Variants in CSMD3 observed in about 807,000 individuals in gnomAD.
CSMD3 encodes the protein CUB and Sushi multiple domains 3, also known as CUB and sushi domain-containing protein 3.
A neutral mutation model predicts 435.2 loss-of-function variants in CSMD3; 177 were observed. The ratio of observed to expected loss-of-function variants is 0.41; its 90% confidence interval spans 0.36 to 0.46. The LOEUF is 0.46. Among genes scored for constraint, CSMD3 ranks in the 20% least tolerant of loss-of-function variants. The pLI is 0.34. For missense variants in CSMD3, 4,265 were observed against 4,504.6 expected (o/e 0.95, Z 1.52); for synonymous variants, 1,656 against 1,520.5 (o/e 1.09, Z -2.07).
chr8:112,437,789 T>A (rs1024400483), intron 32 of CSMD3, among the ~76,000 whole-genome samples: 1 of 152,102 alleles, frequency 6.6e-6, no homozygotes, highest in Non-Finnish European at 1.5e-5. Context: ...TTCAGTAGCA[T>A]TATTCAGAGC....
intron 1 of CSMD3, among the ~76,000 whole-genome samples, chr8:113,370,152 ATGT>A (rs1251702286): frequency 1.3e-5 from 2 of 150,092 alleles, no homozygotes; most frequent in Non-Finnish European, 3.0e-5. Context: ...TCAAAATATC[ATGT>A]TGTACATAAT....
intron 6 of CSMD3, among the ~76,000 whole-genome samples, chr8:113,012,568 A>G (rs951333367): frequency 6.6e-6 from 1 of 151,972 alleles, no homozygotes; most frequent in Non-Finnish European, 1.5e-5. Flanking sequence ...AGAAGAGCTG[A>G]TGGTTTTATA....
chr8:112,870,058 T>G (rs2081088425), intron 10 of CSMD3, among the ~76,000 whole-genome samples: 1 of 152,176 alleles, frequency 6.6e-6, no homozygotes, highest in Admixed American at 6.5e-5. Flanking sequence ...AAAATTTGTT[T>G]AGAAAAATAT....
intron 35 of CSMD3, among the ~76,000 whole-genome samples, chr8:112,391,522 T>C (rs1323233781): frequency 6.6e-6 from 1 of 151,972 alleles, no homozygotes; most frequent in Non-Finnish European, 1.5e-5. Flanking sequence ...TGAAACCCCG[T>C]CTCTACTAAA....
chr8:112,838,203 T>C (rs1158192380), intron 11 of CSMD3, among the ~76,000 whole-genome samples: 1 of 151,584 alleles, frequency 6.6e-6, no homozygotes, highest in Non-Finnish European at 1.5e-5. Flanking sequence ...CATTCTAGGG[T>C]AGAATGTGAA....
At chr8:112,685,225 T>A (rs118183464) in intron 15 of CSMD3, among the ~76,000 whole-genome samples, 181 bp downstream of exon 15, 2 of 152,100 alleles carry the variant, frequency 1.3e-5, no homozygotes, top group Non-Finnish European at 2.9e-5. Flanking sequence ...TGTATTAATA[T>A]AATAGAGAGT....
intron 13 of CSMD3, among the ~76,000 whole-genome samples, chr8:112,746,019 C>T (rs2077417929): frequency 6.6e-6 from 1 of 152,136 alleles, no homozygotes; most frequent in Non-Finnish European, 1.5e-5. Context: ...GTTATTCCCA[C>T]AAACTTTGAA....
intron 5 of CSMD3, among the ~76,000 whole-genome samples, chr8:113,058,076 T>C (rs1350089518): frequency 6.6e-6 from 1 of 151,874 alleles, no homozygotes; most frequent in Non-Finnish European, 1.5e-5. Flanking sequence ...CTGTTCTTCA[T>C]AAAATAAGAA....
At chr8:113,315,160 C>T (rs1381623074) in intron 1 of CSMD3, among the ~76,000 whole-genome samples, 1 of 152,128 alleles carries the variant, frequency 6.6e-6, no homozygotes, top group Non-Finnish European at 1.5e-5. Context: ...ATAAACAACA[C>T]TGACATTTTA....
At chr8:113,361,720 T>C (rs1434230247) in intron 1 of CSMD3, among the ~76,000 whole-genome samples, 1 of 19,482 alleles carries the variant, frequency 5.1e-5, no homozygotes, top group Non-Finnish European at 8.2e-5. Flanking sequence ...TGTGAAATTG[T>C]AATTTTTAGG....
At chr8:113,323,696 A>T (rs2093964158) in intron 1 of CSMD3, among the ~76,000 whole-genome samples, 1 of 152,206 alleles carries the variant, frequency 6.6e-6, no homozygotes, top group Non-Finnish European at 1.5e-5. Context: ...TCTTTCATAA[A>T]TGTTTATATA....
chr8:112,590,941 T>G (rs1320902645), intron 22 of CSMD3, among the ~76,000 whole-genome samples: 2 of 152,082 alleles, frequency 1.3e-5, no homozygotes, highest in African/African-American at 4.8e-5. Flanking sequence ...TCCTACAAAA[T>G]AATAAATGTA....
intron 6 of CSMD3, among the ~76,000 whole-genome samples, chr8:113,014,796 G>A (rs2131147019): frequency 6.6e-6 from 1 of 150,678 alleles, no homozygotes; most frequent in South Asian, 2.1e-4. Context: ...TTTGTACTCT[G>A]TGTCTGTATG....
chr8:112,899,955 G>T (rs1273527221), intron 10 of CSMD3, among the ~76,000 whole-genome samples: 1 of 150,846 alleles, frequency 6.6e-6, no homozygotes, highest in Non-Finnish European at 1.5e-5. Flanking sequence ...CCTTCAATTT[G>T]GAAAGTTGTA....
Position 112,448,774 on chromosome 8 carries a change from A to C in CSMD3, c.5395+23817T>G, listed in dbSNP as rs1039460040. ...ATCTATTAAAAAAAAAAAAAAAAAA[A>C]AAAACCAAAAACCTCTACTGGAGTT... is the stretch of plus-strand genomic sequence containing the variant. On this transcript the variant is annotated intron_variant, in intron 32 of 70. Coordinates refer to ENST00000297405, the MANE Select transcript of CSMD3 (RefSeq NM_198123.2). Among the ~76,000 whole-genome samples the C allele has an allele frequency of 4.0e-5, 6 of 151,750 alleles. No individual in the cohort carries two copies. The South Asian group carries it at 1.0e-3, about 26-fold the overall frequency.
rs1326242374 is a variant in CSMD3, at chr8:112,578,189, ATAGAG to A, written c.3886-4537_3886-4533del. Reference sequence around the variant, plus strand: ...ATATTCTCTCCAAAGATAATATAAAATAGAGTAGAGAACTTTTGTTTGCATTCAAT... The same window carrying A: ...ATATTCTCTCCAAAGATAATATAAAATAGAGAACTTTTGTTTGCATTCAAT... On this transcript the variant is annotated intron_variant, in intron 23 of 70. Transcript: ENST00000297405. Among the ~76,000 whole-genome samples the A allele has an allele frequency of 2.6e-5, 4 of 152,216 alleles. No individual in the cohort carries two copies. In the East Asian group the frequency reaches 7.7e-4, roughly 29 times the overall value.
intron 10 of CSMD3, among the ~76,000 whole-genome samples, chr8:112,883,118 T>C (rs2081493455): frequency 6.6e-6 from 1 of 151,982 alleles, no homozygotes; most frequent in Non-Finnish European, 1.5e-5. Flanking sequence ...AGCACACTTT[T>C]GCTTAAAATG....
chr8:113,011,372 C>A (rs2086249130), intron 6 of CSMD3, among the ~76,000 whole-genome samples: 1 of 151,622 alleles, frequency 6.6e-6, no homozygotes, highest in Non-Finnish European at 1.5e-5. Context: ...CATTGTGTTT[C>A]CAATGTAGAA....
chr8:113,430,079 C>T (rs1021206482), intron 1 of CSMD3, among the ~76,000 whole-genome samples: 16 of 152,030 alleles, frequency 1.1e-4, no homozygotes, highest in African/African-American at 3.9e-4. Context: ...ATAGCCAGCA[C>T]CAGAAGTGAA....
Sources: allele counts gnomAD v4.1 joint callset (sites outside exome capture counted in the v4.1 genomes callset), GRCh38; gene constraint gnomAD v4.1.1; transcripts MANE v1.5; gene names NCBI Gene and HGNC (gene_info 2026-07-23, HGNC 2026-07-21).